The following RRP12 variants were observed in gnomAD, a reference collection of about 807,000 sequenced individuals.
RRP12 encodes ribosomal RNA processing 12 homolog, also known as RRP12-like protein.
Under a neutral mutation model 157.3 loss-of-function variants are expected in RRP12, and 78 were observed. That is an observed-to-expected ratio of 0.50 (90% CI 0.41 to 0.60). RRP12 has a LOEUF of 0.60. RRP12 is among the 20% of genes least tolerant of loss of function. The probability of loss-of-function intolerance (pLI) is 0.00; values close to 1 mark genes in which losing one functional copy is unlikely to be tolerated. For synonymous variants in RRP12, 726 were observed against 670.9 expected (o/e 1.08, Z -1.27); for missense variants, 1,521 against 1,679.9 (o/e 0.91, Z 1.65).
chr10:97,377,903 G>C (rs1554879400), intron 15 of RRP12, among the ~76,000 whole-genome samples: 1 of 150,718 alleles, frequency 6.6e-6, no homozygotes, highest in Non-Finnish European at 1.5e-5. Context: ...GACAGCGGAT[G>C]AAATAGTTTA....
At chr10:97,397,263 C>G (rs1005866322) in intron 2 of RRP12, among the ~76,000 whole-genome samples, 5 of 152,004 alleles carry the variant, frequency 3.3e-5, no homozygotes, top group African/African-American at 1.2e-4. Context: ...CGGGTTCAAG[C>G]GATTCTCCTG....
chr10:97,372,273 G>A, intron 19 of RRP12, 107 bp from the exon 20 acceptor site: 1 of 730,348 alleles, frequency 1.4e-6, no homozygotes, highest in East Asian at 2.6e-5. Flanking sequence ...AAGTCAGGGT[G>A]AGGACAAGGG....
In RRP12 at chr10:97,365,418, C is replaced by T. The variant is rs147864302; in HGVS notation, c.3517+690G>A. Among the ~76,000 whole-genome samples the T allele has an allele frequency of 3.1e-3, 464 of 152,012 alleles. 2 individuals carry two copies. The Middle Eastern group carries it at 0.065, about 21-fold the overall frequency. On this transcript the variant is annotated intron_variant, in intron 29 of 33. Transcript: ENST00000370992. ...CCTCCCGAGTAGCTGGGACTACAGG[C>T]GCCCGCGACCACGCCCAGCTAATTT... is the stretch of plus-strand genomic sequence containing the variant.
intron 15 of RRP12, among the ~76,000 whole-genome samples, chr10:97,378,679 A>T (rs376787458): frequency 1.8e-3 from 279 of 152,202 alleles, no homozygotes; most frequent in African/African-American, 6.6e-3. Context: ...TGCCATGGCA[A>T]AACCCTGTCG....
rs771713481 is a variant in RRP12 at position 97,370,535 on chromosome 10, G to A, written c.2609C>T (p.Ser870Leu). The stretch of plus-strand genomic sequence containing the variant: ...AAAAGCGTTCTTCCGTGCGCCCACC[G>A]ACACCTCCTTGGTGCACAGGATCAC... ...PEVILCTKEV[S>L]VGARKNAFAL... is the part of the protein sequence containing the mutation. Residue 870 changes from serine to leucine, a missense_variant, in exon 23 of 34, where the codon TCG becomes TTG. Ser to Leu is a moderately radical substitution (Grantham distance 145, BLOSUM62 -2). Coordinates refer to ENST00000370992, the MANE Select transcript of RRP12 (RefSeq NM_015179.4). The A allele has an allele frequency of 5.0e-6, 8 of 1,610,770 alleles. No homozygotes were observed. The highest frequency in any genetic ancestry group is 1.7e-5 in the Admixed American group (1 of 59,344).
chr10:97,390,897 G>A (rs1266900365), intron 4 of RRP12, 53 bp from the exon 5 acceptor site: 2 of 1,201,976 alleles, frequency 1.7e-6, no homozygotes, highest in Admixed American at 1.7e-5. Context: ...AGAGCAGCTG[G>A]TGCAGCCCCT....
intron 30 of RRP12, among the ~76,000 whole-genome samples, chr10:97,361,042 A>C (rs1296912490): frequency 6.6e-6 from 1 of 151,816 alleles, no homozygotes; most frequent in Non-Finnish European, 1.5e-5. Flanking sequence ...CCTATTAATC[A>C]CTCACTTACT....
intron 30 of RRP12, 57 bp from the exon 31 acceptor site, chr10:97,360,675 G>A (rs573156129): frequency 7.6e-7 from 1 of 1,312,054 alleles, no homozygotes; most frequent in East Asian, 2.3e-5. Context: ...CCACCCTCGG[G>A]AATGCCAACA....
chr10:97,369,422 C>T lies in RRP12; in HGVS notation c.2955+3G>A. On this transcript the variant is annotated splice_donor_region_variant and intron_variant, in intron 25 of 33. Transcript: ENST00000370992. Reference sequence around the variant, plus strand: ...ACCTGCTAAGGGGAACGGGGACACTCACCACCAGCTGCACATGTTTGGCCA... The same window carrying T: ...ACCTGCTAAGGGGAACGGGGACACTTACCACCAGCTGCACATGTTTGGCCA... 2 of 1,611,296 alleles carry T rather than the reference C, an allele frequency of 1.2e-6. No homozygotes were observed. Among genetic ancestry groups the T allele is most frequent in the South Asian group, 1.1e-5 (1 of 90,340 alleles).
intron 15 of RRP12, among the ~76,000 whole-genome samples, chr10:97,375,791 T>A (rs1844288740): frequency 6.6e-6 from 1 of 152,104 alleles, no homozygotes; most frequent in Non-Finnish European, 1.5e-5. Context: ...AGAGTAGAAA[T>A]ACAATACTAT....
rs1250746715 is a variant in RRP12 at position 97,398,290 on chromosome 10, A to G, written c.370-1989T>C. 4.1e-5 allele frequency among the ~76,000 whole-genome samples: 4 copies of G among 97,322 alleles called. 1 individual carries two copies. The highest frequency in any genetic ancestry group is 2.0e-4 in the African/African-American group (4 of 19,858). The allele number at this position is 97,322 out of a possible 152,430, so 63.8% of individuals were successfully genotyped here. A position where few individuals can be genotyped will look rare whatever the true frequency, so the allele number is the denominator to read the frequency against. On this transcript the variant is annotated intron_variant, in intron 2 of 33. Coordinates refer to ENST00000370992, the MANE Select transcript of RRP12 (RefSeq NM_015179.4). ...AGGATGGTCTCGATCTCCTGACCTC[A>G]TGATCCACCCGCCTCGGCCTCCCAA...
intron 4 of RRP12, among the ~76,000 whole-genome samples, chr10:97,392,769 G>C (rs1844845396): frequency 6.7e-6 from 1 of 150,168 alleles, no homozygotes; most frequent in Non-Finnish European, 1.5e-5. Context: ...TCAGCTCACT[G>C]CTACCTCTGC....
intron 24 of RRP12, 141 bp from the exon 25 acceptor site, chr10:97,369,723 A>C: frequency 3.5e-6 from 3 of 867,928 alleles, no homozygotes; most frequent in Non-Finnish European, 5.3e-6. Context: ...GGTTCCAATC[A>C]CGCTCCATGG....
At chr10:97,397,149 TTTG>T (rs937996715) in intron 2 of RRP12, among the ~76,000 whole-genome samples, 21 of 151,856 alleles carry the variant, frequency 1.4e-4, no homozygotes, top group Non-Finnish European at 2.2e-4. Flanking sequence ...ATACTGTATT[TTTG>T]TTGTTGTTGT....
chr10:97,385,270 A>G lies in RRP12; in HGVS notation c.1117-13T>C, dbSNP rs1421377297. On this transcript the variant is annotated splice_polypyrimidine_tract_variant and intron_variant, in intron 9 of 33. Transcript: ENST00000370992. ...AGTCGTACAGGGCCTAAAAGTGGGA[A>G]TAAGCAGGTGACTGAGCATGCAGGG... 6.2e-7 allele frequency: 1 copy of G among 1,604,710 alleles called. No homozygotes were observed.
intron 10 of RRP12, 45 bp from the exon 11 acceptor site, chr10:97,381,871 G>A: frequency 6.9e-7 from 1 of 1,451,940 alleles, no homozygotes; most frequent in East Asian, 2.3e-5. Context: ...TGAGCCCTGG[G>A]GACCCGGGCA....
intron 2 of RRP12, among the ~76,000 whole-genome samples, chr10:97,396,753 T>A (rs1844975666): frequency 6.6e-6 from 1 of 152,098 alleles, no homozygotes; most frequent in Non-Finnish European, 1.5e-5. Context: ...ATAACCTATA[T>A]ACATCTTCCC....
intron 33 of RRP12, among the ~76,000 whole-genome samples, chr10:97,357,729 T>C (rs1434323598): frequency 6.8e-6 from 1 of 147,512 alleles, no homozygotes; most frequent in Non-Finnish European, 1.5e-5. Flanking sequence ...GAGGCCGAGG[T>C]GGGCAGATCA....
chr10:97,387,643 T>TAA (rs11316168), intron 8 of RRP12, among the ~76,000 whole-genome samples: 20 of 146,204 alleles, frequency 1.4e-4, no homozygotes, highest in Non-Finnish European at 2.3e-4. Context: ...TTAAAGCTGC[T>TAA]AAAAAAAAAA....
Sources: gnomAD v4.1 joint callset for allele counts (sites outside exome capture counted in the v4.1 genomes callset) on GRCh38, gnomAD v4.1.1 for gene constraint, MANE v1.5 for transcripts, NCBI Gene and HGNC (gene_info 2026-07-23, HGNC 2026-07-21) for gene names.